GBE1: variants seen among roughly 807,000 people sequenced by gnomAD.
GBE1 encodes the protein 1,4-alpha-glucan-branching enzyme.
A neutral mutation model predicts 88.8 loss-of-function variants in GBE1; 70 were observed. The observed-to-expected ratio is 0.79, with a 90% CI of 0.65 to 0.96. The LOEUF is 0.96. GBE1 is among the 40% of genes least tolerant of loss of function. GBE1 has a pLI of 0.00. For synonymous variants in GBE1, 284 were observed against 300.1 expected (o/e 0.95, Z 0.56); for missense variants, 872 against 871.0 (o/e 1.00, Z -0.01).
intron 7 of GBE1, among the ~76,000 whole-genome samples, chr3:81,637,140 A>G (rs1704603038): frequency 6.6e-6 from 1 of 152,148 alleles, no homozygotes; most frequent in African/African-American, 2.4e-5. Context: ...ATAATAATAT[A>G]CTGTAATAAA....
At chr3:81,590,998 T>C in intron 9 of GBE1, 39 bp downstream of exon 9, 1 of 1,565,302 alleles carries the variant, frequency 6.4e-7, no homozygotes, top group African/African-American at 1.4e-5. Context: ...TACTCTCTAT[T>C]AAAGGGGGTC....
intron 7 of GBE1, among the ~76,000 whole-genome samples, chr3:81,637,772 C>CG (rs1424768940): frequency 6.6e-6 from 1 of 151,948 alleles, no homozygotes; most frequent in Non-Finnish European, 1.5e-5. Context: ...GTCATATACT[C>CG]GTTAGCTAGT....
chr3:81,714,251 C>A (rs551529991), intron 1 of GBE1, among the ~76,000 whole-genome samples: 1 of 152,120 alleles, frequency 6.6e-6, no homozygotes, highest in Non-Finnish European at 1.5e-5. Flanking sequence ...CCATCAGATT[C>A]TTTCAATGGT....
At chr3:81,650,865 G>A (rs1704839841) in intron 3 of GBE1, among the ~76,000 whole-genome samples, 1 of 152,014 alleles carries the variant, frequency 6.6e-6, no homozygotes, top group South Asian at 2.1e-4. Context: ...TTGTAGAAAT[G>A]GGGTTTCTCT....
At chr3:81,563,242 G>C (rs1703445046) in intron 12 of GBE1, among the ~76,000 whole-genome samples, 1 of 152,138 alleles carries the variant, frequency 6.6e-6, no homozygotes, top group Non-Finnish European at 1.5e-5. Flanking sequence ...GAAACTTACA[G>C]AAAGTGTGCT....
chr3:81,604,878 T>C (rs921920669), intron 7 of GBE1, among the ~76,000 whole-genome samples: 16 of 152,180 alleles, frequency 1.1e-4, no homozygotes, highest in African/African-American at 3.6e-4. Context: ...AGACCTTTCA[T>C]AACATGTTTA....
At chr3:81,650,003 A>G (rs1471584162) in intron 3 of GBE1, 82 bp from the exon 4 acceptor site, 2 of 1,095,968 alleles carry the variant, frequency 1.8e-6, no homozygotes, top group African/African-American at 1.6e-5. Context: ...CACTGCTACA[A>G]GTAGGAAAGG....
At chr3:81,637,004 C>G (rs1385056156) in intron 7 of GBE1, among the ~76,000 whole-genome samples, 4 of 152,108 alleles carry the variant, frequency 2.6e-5, no homozygotes. Context: ...CAGTGGATGC[C>G]TGAAACCATG....
intron 12 of GBE1, among the ~76,000 whole-genome samples, chr3:81,576,877 G>T (rs140668637): frequency 2.5e-3 from 385 of 151,942 alleles, no homozygotes; most frequent in Non-Finnish European, 4.7e-3. Flanking sequence ...AAAAAATAAA[G>T]GCTTTTAAAA....
At chr3:81,742,283 C>G (rs765036027) in intron 1 of GBE1, among the ~76,000 whole-genome samples, 5 of 151,872 alleles carry the variant, frequency 3.3e-5, no homozygotes, top group Non-Finnish European at 7.4e-5. Context: ...TGAACTTGAA[C>G]GTTATAAAAA....
At chr3:81,723,593 A>G (rs1252379009) in intron 1 of GBE1, among the ~76,000 whole-genome samples, 1 of 152,136 alleles carries the variant, frequency 6.6e-6, no homozygotes, top group Non-Finnish European at 1.5e-5. Context: ...TGATCGATCT[A>G]TTTTATTATT....
At chr3:81,693,318 C>T (rs1054090396) in intron 2 of GBE1, among the ~76,000 whole-genome samples, 1 of 152,008 alleles carries the variant, frequency 6.6e-6, no homozygotes, top group Non-Finnish European at 1.5e-5. Context: ...AAATTATATT[C>T]CAAGAGTTAC....
At chr3:81,740,810 T>C (rs917238253) in intron 1 of GBE1, among the ~76,000 whole-genome samples, 3 of 149,032 alleles carry the variant, frequency 2.0e-5, no homozygotes, top group African/African-American at 4.9e-5. Context: ...AAATCAAATT[T>C]TGTCTAAAAG....
At chr3:81,497,834 T>C (rs1702538132) in intron 15 of GBE1, among the ~76,000 whole-genome samples, 1 of 152,206 alleles carries the variant, frequency 6.6e-6, no homozygotes, top group African/African-American at 2.4e-5. Flanking sequence ...CTTTTGATTA[T>C]TTCAGAACTT....
At chr3:81,512,391 G>T (rs1212481172) in intron 14 of GBE1, among the ~76,000 whole-genome samples, 1 of 151,752 alleles carries the variant, frequency 6.6e-6, no homozygotes, top group African/African-American at 2.4e-5. Flanking sequence ...AACTTAAAAA[G>T]ATATATATAC....
At chr3:81,575,729 T>G (rs1419493629) in intron 12 of GBE1, among the ~76,000 whole-genome samples, 2 of 152,182 alleles carry the variant, frequency 1.3e-5, no homozygotes, top group Non-Finnish European at 2.9e-5. Context: ...AATTTCTATA[T>G]GCCATTAGAA....
chr3:81,642,885 T>C lies in GBE1; in HGVS notation c.888A>G (p.Ser296=). The C allele has an allele frequency of 6.2e-7, 1 of 1,612,582 alleles. No homozygotes were observed. The highest frequency in any genetic ancestry group is 8.5e-7 in the Non-Finnish European group (1 of 1,178,708). The stretch of plus-strand genomic sequence containing the variant: ...CATCAAACATATTCAATCCATCTGC[T>C]GAATTTTTTGAAGCATGGCTGTGTA... ...DVVHSHASKN[S]ADGLNMFDGT... The change falls in exon 7 of 16, where the codon TCA becomes TCG. Residue 296 remains serine, a synonymous_variant. Transcript: ENST00000429644.
intron 12 of GBE1, among the ~76,000 whole-genome samples, chr3:81,553,583 CTTT>C (rs34551400): frequency 4.5e-5 from 6 of 133,606 alleles, no homozygotes; most frequent in Non-Finnish European, 8.1e-5. Context: ...TGGAAAATGT[CTTT>C]TTTTTTTTTT....
At chr3:81,652,873 G>C (rs541791742) in intron 3 of GBE1, among the ~76,000 whole-genome samples, 8 of 152,122 alleles carry the variant, frequency 5.3e-5, no homozygotes, top group African/African-American at 1.7e-4. Flanking sequence ...TTTGGTGAGG[G>C]GGAGGGTACA....
Sources: allele counts gnomAD v4.1 joint callset (sites outside exome capture counted in the v4.1 genomes callset), GRCh38; gene constraint gnomAD v4.1.1; transcripts MANE v1.5; gene names NCBI Gene and HGNC (gene_info 2026-07-23, HGNC 2026-07-21).